The following AXL variants were observed in gnomAD, a reference collection of about 807,000 sequenced individuals.
AXL encodes the protein tyrosine-protein kinase receptor UFO.
Under a neutral mutation model 104.5 loss-of-function variants are expected in AXL, and 52 were observed. The ratio of observed to expected loss-of-function variants is 0.50; its 90% CI spans 0.40 to 0.63. The LOEUF (loss-of-function observed/expected upper bound fraction) is 0.63, where lower values mean the gene tolerates loss of function less well. AXL is among the 20% of genes least tolerant of loss of function. The pLI, the probability that AXL is intolerant of heterozygous loss-of-function variation, is 0.00. For missense variants in AXL, 1,024 were observed against 1,188.5 expected (o/e 0.86, Z 2.04); for synonymous variants, 455 against 473.7 (o/e 0.96, Z 0.51).
Position 41,259,813 on chromosome 19 carries a change from G to A in AXL, c.2594G>A (p.Arg865His), listed in dbSNP as rs751040564. ...GCGGCTGAGGTCCATCCTGCTGGAC[G>A]CTATGTCCTCTGCCCTTCCACAACC... ...LTAAEVHPAGRYVLCPSTTPS... is the reference protein window; with the variant it reads ...LTAAEVHPAGHYVLCPSTTPS... Residue 865 changes from arginine (R) to histidine (H), a missense_variant, in exon 20 of 20, where the codon CGC becomes CAC. Arg to His is a conservative substitution (Grantham distance 29). This residue lies in a region of AXL where 523 missense variants were observed against 636.0 expected (regional missense o/e 0.82). Transcript: ENST00000301178. The A allele has an allele frequency of 1.9e-6, 3 of 1,614,004 alleles. No homozygotes were observed. The highest frequency in any genetic ancestry group is 1.7e-6 in the Non-Finnish European group (2 of 1,179,980).
chr19:41,219,997 T>G (rs2033757973), intron 1 of AXL, among the ~76,000 whole-genome samples: 1 of 151,838 alleles, frequency 6.6e-6, no homozygotes, highest in South Asian at 2.1e-4. Context: ...TGCCTCCAGC[T>G]CTGCTATCTC....
rs781426924 is a variant in AXL at position 41,256,525 on chromosome 19, C to T, written c.2110C>T (p.Arg704Cys). The part of the protein sequence containing the change: ...SKKIYNGDYY[R>C]QGRIAKMPVK... Reference sequence around the variant, plus strand: ...GAAGATCTACAATGGGGACTACTACCGCCAGGGACGTATCGCCAAGATGCC... The same window carrying T: ...GAAGATCTACAATGGGGACTACTACTGCCAGGGACGTATCGCCAAGATGCC... Residue 704 changes from arginine to cysteine, a missense_variant, in exon 18 of 20, where the codon CGC becomes TGC. This residue lies in a region of AXL where 523 missense variants were observed against 636.0 expected (regional missense o/e 0.82). Coordinates refer to ENST00000301178, the MANE Select transcript of AXL (RefSeq NM_021913.5). 6.8e-6 allele frequency: 11 copies of T among 1,614,082 alleles called. No individual in the cohort carries two copies. Among genetic ancestry groups the T allele is most frequent in the African/African-American group, 2.7e-5 (2 of 74,934 alleles).
chr19:41,243,017 T>C lies in AXL; in HGVS notation c.1445+2T>C. 1 of 1,614,028 alleles carries C rather than the reference T, an allele frequency of 6.2e-7. No individual in the cohort carries two copies. Among genetic ancestry groups the C allele is most frequent in the East Asian group, 2.2e-5 (1 of 44,878 alleles). On this transcript the variant is annotated splice_donor_variant, in intron 11 of 19. Coordinates refer to ENST00000301178, the MANE Select transcript of AXL (RefSeq NM_021913.5). LOFTEE classifies it high-confidence loss of function. ...GCGAAAGAAGGAGACCCGTTATGGG[T>C]GAGTTGGAACCACATGGGGAGGCTG...
chr19:41,243,402 AGAGT>A (rs1377765398), intron 11 of AXL, among the ~76,000 whole-genome samples: 1 of 152,024 alleles, frequency 6.6e-6, no homozygotes, highest in Non-Finnish European at 1.5e-5. Context: ...CCTGGGTGAC[AGAGT>A]GAGATCCTGT....
At chr19:41,234,567 G>A (rs917026625) in intron 6 of AXL, among the ~76,000 whole-genome samples, 8 of 152,054 alleles carry the variant, frequency 5.3e-5, no homozygotes, top group Non-Finnish European at 1.2e-4. Context: ...AAGAAAGAAA[G>A]AAAACAAACG....
intron 10 of AXL, among the ~76,000 whole-genome samples, chr19:41,240,654 C>T (rs2034166531): frequency 6.6e-6 from 1 of 152,174 alleles, no homozygotes; most frequent in Non-Finnish European, 1.5e-5. Flanking sequence ...CATTTCTTCA[C>T]ATACGCTTTC....
intron 12 of AXL, 32 bp downstream of exon 12, chr19:41,243,739 C>T: frequency 1.3e-6 from 2 of 1,585,296 alleles, no homozygotes; most frequent in South Asian, 1.1e-5. Flanking sequence ...CTGCCCTGGC[C>T]TGGATCTAAA....
intron 4 of AXL, among the ~76,000 whole-genome samples, chr19:41,224,601 C>A (rs552972522): frequency 9.8e-5 from 15 of 152,288 alleles, no homozygotes; most frequent in African/African-American, 3.6e-4. Flanking sequence ...CCAGGCTGCT[C>A]TTGAACTCCT....
rs760218199 is a variant in AXL, at chr19:41,242,911, G to T, written c.1341G>T (p.Ser447=). 1 of 1,614,024 alleles carries T rather than the reference G, an allele frequency of 6.2e-7. No individual in the cohort carries two copies. Among genetic ancestry groups the T allele is most frequent in the Non-Finnish European group, 8.5e-7 (1 of 1,180,024 alleles). ...LVKEPSTPAF[S]WPWWYVLLGA... Reference sequence around the variant, plus strand: ...AGGAACCTTCAACTCCTGCCTTCTCGTGGCCCTGGTGGTATGTACTGCTAG... The same window carrying T: ...AGGAACCTTCAACTCCTGCCTTCTCTTGGCCCTGGTGGTATGTACTGCTAG... The change falls in exon 11 of 20, where the codon TCG becomes TCT. Residue 447 remains serine (S), a synonymous_variant. Transcript: ENST00000301178.
At chr19:41,224,910 G>A (rs2033852346) in intron 4 of AXL, among the ~76,000 whole-genome samples, 1 of 152,152 alleles carries the variant, frequency 6.6e-6, no homozygotes. Flanking sequence ...GCGTATAGAT[G>A]TGTCTCTGTG....
intron 6 of AXL, among the ~76,000 whole-genome samples, chr19:41,233,521 C>G (rs2034029091): frequency 2.0e-5 from 3 of 151,430 alleles, no homozygotes; most frequent in African/African-American, 7.3e-5. Flanking sequence ...GTCCCAGATA[C>G]TCGGGAGGCT....
chr19:41,225,303 C>T (rs980919711), intron 4 of AXL, among the ~76,000 whole-genome samples: 10 of 152,210 alleles, frequency 6.6e-5, no homozygotes, highest in African/African-American at 2.4e-4. Flanking sequence ...CCGCACCCAG[C>T]GCAAATGTGT....
chr19:41,257,430 C>A, intron 18 of AXL, 63 bp from the exon 19 acceptor site: 1 of 1,597,766 alleles, frequency 6.3e-7, no homozygotes, highest in Non-Finnish European at 8.6e-7. Flanking sequence ...ACCCATGAAC[C>A]TGGGTATTGG....
intron 19 of AXL, among the ~76,000 whole-genome samples, chr19:41,259,330 C>G (rs2034499563): frequency 6.6e-6 from 1 of 152,150 alleles, no homozygotes; most frequent in African/African-American, 2.4e-5. Context: ...CATATACAGA[C>G]AGGTTTCCCG....
At chr19:41,258,682 C>T (rs754384109) in intron 19 of AXL, among the ~76,000 whole-genome samples, 10 of 152,202 alleles carry the variant, frequency 6.6e-5, no homozygotes, top group African/African-American at 9.7e-5. Flanking sequence ...TCCCAAAGTG[C>T]TGGGATTATA....
intron 4 of AXL, among the ~76,000 whole-genome samples, chr19:41,228,208 A>C (rs1434217554): frequency 6.6e-6 from 1 of 152,094 alleles, no homozygotes; most frequent in Non-Finnish European, 1.5e-5. Context: ...GGTCATACCA[A>C]CACCAACACC....
In AXL at chr19:41,253,609, C is replaced by T. The variant is rs202051448; in HGVS notation, c.1937C>T (p.Thr646Ile). 1.5e-4 allele frequency: 243 copies of T among 1,613,512 alleles called. No individual in the cohort carries two copies. The highest frequency in any genetic ancestry group is 4.9e-4 in the Middle Eastern group (3 of 6,062). The change falls in exon 17 of 20, where the codon ACT becomes ATT. Residue 646 changes from threonine to isoleucine, a missense_variant. Thr to Ile is a moderately conservative substitution (Grantham distance 89). Coordinates refer to ENST00000301178, the MANE Select transcript of AXL (RefSeq NM_021913.5). Reference sequence around the variant, plus strand: ...GCCTTGGCTCCCCAGTACCTGCCCACTCAGATGCTAGTGAAGTTCATGGCA... The same window carrying T: ...GCCTTGGCTCCCCAGTACCTGCCCATTCAGATGCTAGTGAAGTTCATGGCA... The part of the protein sequence containing the change: ...RLGDQPVYLP[T>I]QMLVKFMADI...
At chr19:41,248,972 T>G in intron 14 of AXL, 152 bp downstream of exon 14, 98 of 707,434 alleles carry the variant, frequency 1.4e-4, no homozygotes, top group Middle Eastern at 2.5e-4. Context: ...AGGAATTGAA[T>G]ATGGGGAGAT....
At chr19:41,223,692 C>T (rs2122203757) in intron 4 of AXL, among the ~76,000 whole-genome samples, 1 of 152,136 alleles carries the variant, frequency 6.6e-6, no homozygotes, top group South Asian at 2.1e-4. Context: ...GCATGCTGAC[C>T]CCAGAGGAGT....
Sources: allele counts gnomAD v4.1 joint callset (sites outside exome capture counted in the v4.1 genomes callset), GRCh38; gene constraint gnomAD v4.1.1; regional missense constraint gnomAD v4.1.1; transcripts MANE v1.5; gene names NCBI Gene and HGNC (gene_info 2026-07-23, HGNC 2026-07-21).